The following PITRM1 variants were observed in gnomAD, a reference collection of about 807,000 sequenced individuals.
PITRM1 encodes the protein presequence protease, mitochondrial.
In PITRM1, 100 loss-of-function variants were observed where a neutral mutation model predicts 129.9. The observed-to-expected ratio is 0.77, with a 90% CI of 0.65 to 0.91. The LOEUF (loss-of-function observed/expected upper bound fraction) is 0.91. Ranked by LOEUF, PITRM1 falls within the 40% of genes least tolerant of loss-of-function variation. The probability of loss-of-function intolerance (pLI) is 0.00; values close to 1 mark genes in which losing one functional copy is unlikely to be tolerated. For missense variants in PITRM1, 1,471 were observed against 1,318.3 expected (o/e 1.12, Z -1.79); for synonymous variants, 591 against 508.8 (o/e 1.16, Z -2.17).
chr10:3,165,963 T>C (rs930131930), intron 4 of PITRM1, among the ~76,000 whole-genome samples: 14 of 152,246 alleles, frequency 9.2e-5, no homozygotes, highest in African/African-American at 3.1e-4. Flanking sequence ...TCTGGCATTG[T>C]AGCGATATCT....
At chr10:3,160,461 CT>C in intron 7 of PITRM1, 131 bp from the exon 8 acceptor site, 1 of 697,982 alleles carries the variant, frequency 1.4e-6, no homozygotes, top group Non-Finnish European at 2.4e-6. Flanking sequence ...TTCAGTCACC[CT>C]TACTCAACCA....
At chr10:3,161,860 AAAAAAG>A (rs1477075178) in intron 7 of PITRM1, among the ~76,000 whole-genome samples, 2 of 143,656 alleles carry the variant, frequency 1.4e-5, no homozygotes, top group South Asian at 2.2e-4. Context: ...GGAAAAAAAA[AAAAAAG>A]AAGAAAAGAA....
chr10:3,165,517 A>T lies in PITRM1; in HGVS notation c.429T>A (p.Tyr143Ter). Reference sequence around the variant, plus strand: ...TTTGTGTGGAAAATGGATACAGAGTATAATCACTAGCTGGGTACAAATGAA... The same window carrying T: ...TTTGTGTGGAAAATGGATACAGAGTTTAATCACTAGCTGGGTACAAATGAA... ...TFMNAFTASDYTLYPFSTQNP... is the reference protein window; with the variant it reads ...TFMNAFTASD Residue 143 changes from tyrosine (Y) to a stop codon, truncating the protein, a stop_gained, in exon 5 of 27, where the codon TAT becomes TAA. Coordinates refer to ENST00000224949, the MANE Select transcript of PITRM1 (RefSeq NM_014889.4). LOFTEE classifies it high-confidence loss of function. The T allele has an allele frequency of 6.4e-7, 1 of 1,566,604 alleles. No homozygotes were observed. Among genetic ancestry groups the T allele is most frequent in the Non-Finnish European group, 8.8e-7 (1 of 1,137,450 alleles).
intron 1 of PITRM1, chr10:3,172,323 T>C (rs1843449461): frequency 2.0e-6 from 1 of 498,794 alleles, no homozygotes; most frequent in Non-Finnish European, 3.9e-6. Flanking sequence ...AGACTTTAAG[T>C]ATGGGCTGTG....
rs374458766 is a variant in PITRM1, at chr10:3,138,297, C to T, written c.2958G>A (p.Lys986=). ...HFLYGLSDEM[K]QAHREQLFAV... ...CAAAGAGCTGCTCTCTGTGGGCCTG[C>T]TTCATCTCATCCGAGAGGCCGTACA... The change falls in exon 26 of 27, where the codon AAG becomes AAA. Residue 986 remains lysine (K), a synonymous_variant. Coordinates refer to ENST00000224949, the MANE Select transcript of PITRM1 (RefSeq NM_014889.4). The T allele has an allele frequency of 4.3e-6, 7 of 1,613,772 alleles. No homozygotes were observed. The highest frequency in any genetic ancestry group is 5.1e-6 in the Non-Finnish European group (6 of 1,179,794).
Position 3,170,138 on chromosome 10 carries a change from A to G in PITRM1, c.125T>C (p.Leu42Pro). The G allele has an allele frequency of 6.2e-7, 1 of 1,613,890 alleles. No individual in the cohort carries two copies. Residue 42 changes from leucine (L) to proline (P), a missense_variant, in exon 2 of 27, where the codon CTA becomes CCA. By Grantham distance (98) the Leu-to-Pro change is moderately conservative (BLOSUM62 -3). Transcript: ENST00000224949. ...GGTGAATCCATGGATCTTGTCTCCT[A>G]GTTTATACTGCAGAGCCCTCTCACA... ...RACERALQYKLGDKIHGFTVN... is the reference protein window; with the variant it reads ...RACERALQYKPGDKIHGFTVN...
chr10:3,147,644 G>A lies in PITRM1; in HGVS notation c.2163C>T (p.Tyr721=), dbSNP rs539148366. Residue 721 remains tyrosine, a synonymous_variant, in exon 19 of 27, where the codon TAC becomes TAT. Coordinates refer to ENST00000224949, the MANE Select transcript of PITRM1 (RefSeq NM_014889.4). The part of the protein sequence containing the change: ...ANGIPDSGHL[Y]ASIRAGRTLT... ...GGGTCCGGCCTGCCCTGATGGATGC[G>A]TACAGGTGCCCAGAGTCAGGAATTC... 71 of 1,613,954 alleles carry A rather than the reference G, an allele frequency of 4.4e-5. 1 individual carries two copies. The South Asian group carries it at 5.8e-4, about 13-fold the overall frequency.
chr10:3,141,866 A>C (rs1588630212), intron 23 of PITRM1: 1 of 225,900 alleles, frequency 4.4e-6, no homozygotes, highest in South Asian at 4.5e-5. Context: ...ACCCAGCGCC[A>C]CTCGGGTGGC....
intron 2 of PITRM1, among the ~76,000 whole-genome samples, chr10:3,169,793 C>T (rs984861815): frequency 6.6e-6 from 1 of 152,240 alleles, no homozygotes; most frequent in Non-Finnish European, 1.5e-5. Context: ...TCTTCATGCT[C>T]ATGCTCAGTG....
rs750587369 is a variant in PITRM1 at position 3,148,198 on chromosome 10, G to A, written c.1965C>T (p.Asp655=). 67 of 1,613,842 alleles carry A rather than the reference G, an allele frequency of 4.2e-5. No homozygotes were observed. Among genetic ancestry groups the A allele is most frequent in the Non-Finnish European group, 2.5e-5 (30 of 1,179,892 alleles). Reference sequence around the variant, plus strand: ...GCTCGTAGGTGTCCATGTGTGAGTCGTCGGGGAGCACGTGGGGAGAAGCAC... The same window carrying A: ...GCTCGTAGGTGTCCATGTGTGAGTCATCGGGGAGCACGTGGGGAGAAGCAC... ...GMSASPHVLP[D]DSHMDTYEQG... Residue 655 remains aspartate, a synonymous_variant, in exon 17 of 27, where the codon GAC becomes GAT. Coordinates refer to ENST00000224949, the MANE Select transcript of PITRM1 (RefSeq NM_014889.4).
chr10:3,165,190 C>T (rs1842756155), intron 6 of PITRM1, 48 bp downstream of exon 6: 1 of 1,269,490 alleles, frequency 7.9e-7, no homozygotes, highest in Non-Finnish European at 1.1e-6. Context: ...TGATATTGTA[C>T]ATGGGAAAGG....
intron 6 of PITRM1, 90 bp downstream of exon 6, chr10:3,165,148 T>C: frequency 1.1e-6 from 1 of 941,838 alleles, no homozygotes; most frequent in Non-Finnish European, 1.6e-6. Context: ...AATGAGAATA[T>C]TAAATAAAAT....
chr10:3,145,420 C>T (rs1003587187), intron 21 of PITRM1, 176 bp downstream of exon 21: 1 of 620,312 alleles, frequency 1.6e-6, no homozygotes, highest in African/African-American at 1.8e-5. Flanking sequence ...CTTAACTGGC[C>T]CAACACTGCA....
At chr10:3,167,085 A>C in intron 2 of PITRM1, 43 bp from the exon 3 acceptor site, 1 of 1,218,356 alleles carries the variant, frequency 8.2e-7, no homozygotes, top group Non-Finnish European at 1.2e-6. Flanking sequence ...CTTAGACAAA[A>C]TGGCCTTTGA....
chr10:3,140,881 T>C, intron 23 of PITRM1, 69 bp from the exon 24 acceptor site: 5 of 1,255,546 alleles, frequency 4.0e-6, no homozygotes, highest in Non-Finnish European at 5.6e-6. Flanking sequence ...AAGTAATTGT[T>C]GGATTAAGTG....
At chr10:3,169,262 C>T (rs552073727) in intron 2 of PITRM1, among the ~76,000 whole-genome samples, 204 of 152,330 alleles carry the variant, frequency 1.3e-3, no homozygotes, top group Middle Eastern at 3.4e-3. Flanking sequence ...GAGTCCCATG[C>T]CTGGACCTTG....
intron 23 of PITRM1, chr10:3,143,084 ATGAGG>A (rs1324415526): frequency 8.5e-5 from 26 of 305,274 alleles, no homozygotes; most frequent in East Asian, 2.7e-4. Context: ...TTACCTAGAG[ATGAGG>A]TGAGTACATG....
chr10:3,158,832 G>A (rs1842190576), intron 10 of PITRM1, 82 bp downstream of exon 10: 2 of 1,283,732 alleles, frequency 1.6e-6, no homozygotes, highest in Admixed American at 4.2e-5. Context: ...CAAGTGTGGG[G>A]CCGGGACAGG....
intron 1 of PITRM1, 41 bp downstream of exon 1, chr10:3,172,676 G>T (rs1173947571): frequency 2.0e-6 from 3 of 1,519,972 alleles, no homozygotes; most frequent in Admixed American, 4.0e-5. Context: ...CTCCCCTCCC[G>T]GGTACCAGCG....
Sources: allele counts gnomAD v4.1 joint callset (sites outside exome capture counted in the v4.1 genomes callset), GRCh38; gene constraint gnomAD v4.1.1; transcripts MANE v1.5; gene names NCBI Gene and HGNC (gene_info 2026-07-23, HGNC 2026-07-21).